Variants in NUP98 observed in about 807,000 individuals in gnomAD.
NUP98 encodes nucleoporin 98 and 96 precursor.
A neutral mutation model predicts 191.9 loss-of-function variants in NUP98; 26 were observed. The observed-to-expected ratio is 0.14, with a 90% CI of 0.10 to 0.19. The LOEUF is 0.19. Ranked by LOEUF, NUP98 falls within the 10% of genes least tolerant of loss-of-function variation. The pLI is 1.00. For synonymous variants in NUP98, 808 were observed against 778.4 expected (o/e 1.04, Z -0.63); for missense variants, 1,941 against 2,178.8 (o/e 0.89, Z 2.17).
intron 30 of NUP98, 66 bp downstream of exon 30, chr11:3,683,134 A>T: frequency 6.3e-7 from 1 of 1,597,792 alleles, no homozygotes; most frequent in South Asian, 1.1e-5. Flanking sequence ...GTCTGACCCC[A>T]TCATGGAGGT....
intron 19 of NUP98, 28 bp from the exon 20 acceptor site, chr11:3,712,756 A>G (rs1320445881): frequency 6.2e-7 from 1 of 1,604,134 alleles, no homozygotes; most frequent in East Asian, 2.2e-5. Flanking sequence ...CCCACAAAAC[A>G]ACTTAAACAT....
chr11:3,756,456 CA>C (rs201144917), intron 10 of NUP98, among the ~76,000 whole-genome samples: 1 of 150,798 alleles, frequency 6.6e-6, no homozygotes, highest in East Asian at 1.9e-4. Flanking sequence ...ATTCGCACAC[CA>C]AAAAAAAACC....
intron 10 of NUP98, among the ~76,000 whole-genome samples, chr11:3,755,647 A>C (rs1242947393): frequency 6.6e-6 from 1 of 152,162 alleles, no homozygotes; most frequent in East Asian, 1.9e-4. Flanking sequence ...TTTAAAAACA[A>C]TCGTATTTCA....
At chr11:3,698,171 A>G (rs528813774) in intron 25 of NUP98, among the ~76,000 whole-genome samples, 1 of 152,348 alleles carries the variant, frequency 6.6e-6, no homozygotes, top group East Asian at 1.9e-4. Context: ...ACATGAAAAG[A>G]ACAGAATATA....
chr11:3,714,406 G>A, intron 18 of NUP98, among the ~76,000 whole-genome samples: 1 of 152,180 alleles, frequency 6.6e-6, no homozygotes, highest in South Asian at 2.1e-4. Context: ...CTTAGAAAAT[G>A]AAGTATCAGG....
At position 3,676,281 on chromosome 11, in the gene NUP98, C is replaced by CT; in HGVS notation, c.5280dup (p.Val1761SerfsTer17). Reference sequence around the variant, plus strand: ...TGGGGAGCCAAGAGGCGCAAAGGGACTCGCTGAGGGTCTGGTGTTGAGTCG... The same window carrying CT: ...TGGGGAGCCAAGAGGCGCAAAGGGACTTCGCTGAGGGTCTGGTGTTGAGTCG... On this transcript the variant is annotated frameshift_variant, in exon 33 of 33. Transcript: ENST00000324932. LOFTEE classifies it high-confidence loss of function. 1 of 1,614,162 alleles carries CT rather than the reference C, an allele frequency of 6.2e-7. No homozygotes were observed. Among genetic ancestry groups the CT allele is most frequent in the Non-Finnish European group, 8.5e-7 (1 of 1,180,046 alleles).
chr11:3,709,098 A>AT (rs1421289617), intron 20 of NUP98, among the ~76,000 whole-genome samples: 1 of 152,248 alleles, frequency 6.6e-6, no homozygotes, highest in Non-Finnish European at 1.5e-5. Flanking sequence ...AAAGTAAGAT[A>AT]TATCAAGACA....
intron 10 of NUP98, among the ~76,000 whole-genome samples, chr11:3,759,593 C>T (rs1016922975): frequency 2.6e-5 from 4 of 152,048 alleles, no homozygotes; most frequent in African/African-American, 9.7e-5. Flanking sequence ...ACAGAGACTA[C>T]ACCTCAAAAA....
chr11:3,700,883 C>G, intron 23 of NUP98, 44 bp from the exon 24 acceptor site: 1 of 1,367,636 alleles, frequency 7.3e-7, no homozygotes, highest in Non-Finnish European at 1.0e-6. Flanking sequence ...GAACCTAAGA[C>G]AGAAGCTAGG....
intron 8 of NUP98, among the ~76,000 whole-genome samples, chr11:3,767,803 C>T (rs546216981): frequency 5.3e-5 from 8 of 151,106 alleles, no homozygotes; most frequent in Non-Finnish European, 1.0e-4. Flanking sequence ...GGCTCTAAGT[C>T]GTAGGTCTCC....
At chr11:3,760,395 C>T (rs2081124937) in intron 10 of NUP98, 144 bp downstream of exon 10, 2 of 1,287,878 alleles carry the variant, frequency 1.6e-6, no homozygotes, top group African/African-American at 2.9e-5. Context: ...TACCTGAGAA[C>T]TTTTAAATAT....
intron 5 of NUP98, among the ~76,000 whole-genome samples, chr11:3,775,256 A>T (rs533927805): frequency 2.0e-5 from 3 of 152,286 alleles, no homozygotes; most frequent in South Asian, 4.1e-4. Context: ...CAGGCCGGGC[A>T]TGGTGGCTCA....
intron 18 of NUP98, among the ~76,000 whole-genome samples, chr11:3,715,916 A>AT (rs2079164976): frequency 6.6e-6 from 1 of 152,104 alleles, no homozygotes; most frequent in African/African-American, 2.4e-5. Flanking sequence ...TTCTTTGCTC[A>AT]TTTTTTAAAT....
chr11:3,704,173 G>C (rs2078791721), intron 22 of NUP98, among the ~76,000 whole-genome samples: 1 of 152,116 alleles, frequency 6.6e-6, no homozygotes, highest in Non-Finnish European at 1.5e-5. Context: ...ATACCAAAGG[G>C]AAGTTAAAAA....
At chr11:3,678,193 T>C (rs1464131053) in intron 31 of NUP98, among the ~76,000 whole-genome samples, 2 of 151,886 alleles carry the variant, frequency 1.3e-5, no homozygotes, top group African/African-American at 2.4e-5. Flanking sequence ...AAACACTTCA[T>C]GTAGATTTTG....
In NUP98 at chr11:3,706,529, T is replaced by TTCTAACATGGTA; in HGVS notation, c.2829_2840dup (p.Asp943_Leu946dup). 6.2e-7 allele frequency: 1 copy of TTCTAACATGGTA among 1,614,182 alleles called. No homozygotes were observed. On this transcript the variant is annotated inframe_insertion, in exon 21 of 33. Transcript: ENST00000324932. ...GTTCCTGATCCTCAGGCATGCTCTCTTCTAACATGGTATCCAAAACTGGCT... is the reference window on the plus strand; with the variant it reads ...GTTCCTGATCCTCAGGCATGCTCTCTTCTAACATGGTATCTAACATGGTATCCAAAACTGGCT...
chr11:3,724,873 T>A lies in NUP98; in HGVS notation c.1847+230A>T, dbSNP rs141970600. On this transcript the variant is annotated intron_variant, in intron 15 of 32. Transcript: ENST00000324932. ...CATGCTAACCCTGTCCAAAACAAGA[T>A]ACACAAATACCAAAATAGTTCTGAA... Among the ~76,000 whole-genome samples the A allele has an allele frequency of 7.7e-3, 1,171 of 151,410 alleles. 16 individuals carry two copies. The highest frequency in any genetic ancestry group is 0.031 in the Middle Eastern group (9 of 292).
intron 10 of NUP98, among the ~76,000 whole-genome samples, chr11:3,755,227 A>G (rs2080916671): frequency 6.6e-6 from 1 of 151,858 alleles, no homozygotes; most frequent in Non-Finnish European, 1.5e-5. Flanking sequence ...AGGCAGAGGC[A>G]GGTGGATCAC....
chr11:3,679,521 A>G (rs2077923630), intron 31 of NUP98, 33 bp downstream of exon 31: 1 of 1,613,340 alleles, frequency 6.2e-7, no homozygotes, highest in Admixed American at 1.7e-5. Flanking sequence ...TGAGAAAAGG[A>G]AAATCAGGCA....
Sources: allele counts gnomAD v4.1 joint callset (sites outside exome capture counted in the v4.1 genomes callset), GRCh38; gene constraint gnomAD v4.1.1; transcripts MANE v1.5; gene names NCBI Gene and HGNC (gene_info 2026-07-23, HGNC 2026-07-21).